ZNF253: variants seen among roughly 807,000 people sequenced by gnomAD.
The protein encoded by ZNF253 is zinc finger protein 253, also known as DNA-binding protein.
ZNF253 carries 8 observed loss-of-function variants against 11.9 expected under a neutral mutation model. That is an observed-to-expected ratio of 0.67 (90% CI 0.40 to 1.22). ZNF253 has a LOEUF of 1.22. ZNF253 is among the 50% of genes most tolerant of loss of function. The pLI is 0.01. For synonymous variants in ZNF253, 194 were observed against 194.9 expected, an observed-to-expected ratio of 1.00 and a Z score of 0.04; for missense variants, 485 against 586.9, an observed-to-expected ratio of 0.83 and a Z score of 1.79.
At chr19:19,869,373 A>AT (rs910525775) in intron 1 of ZNF253, among the ~76,000 whole-genome samples, 85 of 149,696 alleles carry the variant, frequency 5.7e-4, no homozygotes, top group South Asian at 4.2e-4. Flanking sequence ...TAAATTAAAC[A>AT]TTTTTTTTTT....
intron 1 of ZNF253, among the ~76,000 whole-genome samples, chr19:19,866,881 TC>T (rs1274725526): frequency 6.6e-6 from 1 of 152,118 alleles, no homozygotes; most frequent in Non-Finnish European, 1.5e-5. Context: ...AGGAAGGGGT[TC>T]GGGTCGCAGA....
At chr19:19,866,891 G>A (rs891897678) in intron 1 of ZNF253, among the ~76,000 whole-genome samples, 1 of 152,190 alleles carries the variant, frequency 6.6e-6, no homozygotes, top group Non-Finnish European at 1.5e-5. Flanking sequence ...TCGGGTCGCA[G>A]ATTGGAACAG....
In ZNF253 at chr19:19,885,558, G is replaced by GT. The variant is rs2063203258; in HGVS notation, c.226+5418dup. Among the ~76,000 whole-genome samples, 3 of 151,264 alleles carry GT rather than the reference G, an allele frequency of 2.0e-5. No homozygotes were observed. In the South Asian group the frequency reaches 6.3e-4, roughly 32 times the overall value. ...GGCGCCCGCCACCATGCCCGGCTAA[G>GT]TTTTTTGTATTTTTAATAGAGACGG... On this transcript the variant is annotated intron_variant, in intron 3 of 3. Coordinates refer to ENST00000589717, the MANE Select transcript of ZNF253 (RefSeq NM_021047.3).
At chr19:19,889,261 T>C (rs1357172246) in intron 3 of ZNF253, among the ~76,000 whole-genome samples, 5 of 152,114 alleles carry the variant, frequency 3.3e-5, no homozygotes, top group Non-Finnish European at 5.9e-5. Flanking sequence ...TTTTTTCTTG[T>C]TTATCCTCAT....
chr19:19,889,111 G>A (rs192422429), intron 3 of ZNF253, among the ~76,000 whole-genome samples: 3 of 151,834 alleles, frequency 2.0e-5, no homozygotes, highest in African/African-American at 7.2e-5. Context: ...TTGCTTATAG[G>A]TGTGTTTGTG....
intron 1 of ZNF253, among the ~76,000 whole-genome samples, chr19:19,875,856 A>AG (rs1241889358): frequency 6.6e-6 from 1 of 152,356 alleles, no homozygotes; most frequent in Non-Finnish European, 1.5e-5. Context: ...ACCAGCTTCC[A>AG]GGGTATTATG....
chr19:19,888,304 T>G lies in ZNF253; in HGVS notation c.227-3170T>G, dbSNP rs1164232736. ...GTCTTGGACTCCTGACCTCCAGTGA[T>G]TCACCCGCCTTGGTCTCCCAATGTG... On this transcript the variant is annotated intron_variant, in intron 3 of 3. Transcript: ENST00000589717. Among the ~76,000 whole-genome samples, 3 of 152,290 alleles carry G rather than the reference T, an allele frequency of 2.0e-5. No individual in the cohort carries two copies. In the East Asian group the frequency reaches 5.8e-4, roughly 29 times the overall value.
In ZNF253 at chr19:19,892,244, A is replaced by G. The variant is rs762913554; in HGVS notation, c.997A>G (p.Ile333Val). ...HCSNLTIHKR[I>V]HTGEKPYKCE... ...CTCTAACCTTACTATACATAAGAGA[A>G]TTCATACAGGAGAGAAACCCTACAA... Residue 333 changes from isoleucine to valine, a missense_variant, in exon 4 of 4, where the codon ATT becomes GTT. By Grantham distance (29) the Ile-to-Val change is conservative. Transcript: ENST00000589717. 10 of 1,613,604 alleles carry G rather than the reference A, an allele frequency of 6.2e-6. No individual in the cohort carries two copies. In the Admixed American group the frequency reaches 1.3e-4, roughly 22 times the overall value.
chr19:19,872,410 G>A (rs2063137271), intron 1 of ZNF253, among the ~76,000 whole-genome samples: 1 of 151,682 alleles, frequency 6.6e-6, no homozygotes, highest in African/African-American at 2.4e-5. Context: ...ATCAAACTCA[G>A]AGAGACGTTG....
chr19:19,892,918 C>A lies in ZNF253; in HGVS notation c.*171C>A. 2 of 613,024 alleles carry A rather than the reference C, an allele frequency of 3.3e-6. No homozygotes were observed. The highest frequency in any genetic ancestry group is 2.8e-6 in the Non-Finnish European group (1 of 360,432). 38.0% of individuals were successfully genotyped at this position (613,024 alleles called of 1,614,324 possible). Reference sequence around the variant, plus strand: ...AACCCTTATTACACATAATTCATACCAAACAGAAGCCCTACAAGTGTGAAG... The same window carrying A: ...AACCCTTATTACACATAATTCATACAAAACAGAAGCCCTACAAGTGTGAAG... On this transcript the variant is annotated 3_prime_UTR_variant, in exon 4 of 4. Transcript: ENST00000589717.
chr19:19,892,890 C>T lies in ZNF253; in HGVS notation c.*143C>T. The T allele has an allele frequency of 1.3e-6, 1 of 796,938 alleles. No homozygotes were observed. The allele number at this position is 796,938 out of a possible 1,614,324, so 49.4% of individuals were successfully genotyped here. A position where few individuals can be genotyped will look rare whatever the true frequency, so the allele number is the denominator to read the frequency against. The stretch of plus-strand genomic sequence containing the variant: ...TGTGACAAAGCTTTTTAAGGAAGTT[C>T]TCAACCCTTATTACACATAATTCAT... On this transcript the variant is annotated 3_prime_UTR_variant, in exon 4 of 4. Transcript: ENST00000589717.
At position 19,893,339 on chromosome 19, in the gene ZNF253, A is replaced by G. The variant is rs1415377532; in HGVS notation, c.*592A>G. ...TACAAGTTCTTAATTCTTAAGAGACATGGCGATAATTCATGCTGAAGAGGA... is the reference window on the plus strand; with the variant it reads ...TACAAGTTCTTAATTCTTAAGAGACGTGGCGATAATTCATGCTGAAGAGGA... On this transcript the variant is annotated 3_prime_UTR_variant, in exon 4 of 4. Coordinates refer to ENST00000589717, the MANE Select transcript of ZNF253 (RefSeq NM_021047.3). The G allele has an allele frequency of 1.4e-5, 2 of 145,996 alleles. No homozygotes were observed. Among genetic ancestry groups the G allele is most frequent in the Non-Finnish European group, 3.0e-5 (2 of 67,078 alleles). The allele number at this position is 145,996 out of a possible 1,614,324, so 9.0% of individuals were successfully genotyped here. A position where few individuals can be genotyped will look rare whatever the true frequency, so the allele number is the denominator to read the frequency against.
intron 1 of ZNF253, among the ~76,000 whole-genome samples, chr19:19,869,862 G>T (rs1213878191): frequency 6.6e-6 from 1 of 150,936 alleles, no homozygotes; most frequent in Non-Finnish European, 1.5e-5. Context: ...GTAGAGACAG[G>T]ATTTCACCAT....
intron 3 of ZNF253, among the ~76,000 whole-genome samples, chr19:19,881,679 A>G (rs2063178391): frequency 6.6e-6 from 1 of 151,422 alleles, no homozygotes; most frequent in African/African-American, 2.4e-5. Context: ...GTATGAAACC[A>G]TACATATACT....
At chr19:19,887,272 A>ATT (rs1476397414) in intron 3 of ZNF253, among the ~76,000 whole-genome samples, 1 of 151,218 alleles carries the variant, frequency 6.6e-6, no homozygotes, top group Non-Finnish European at 1.5e-5. Flanking sequence ...CAGGCATTCT[A>ATT]TTTTTTTATA....
chr19:19,884,950 T>A (rs1599556136), intron 3 of ZNF253, among the ~76,000 whole-genome samples: 1 of 152,320 alleles, frequency 6.6e-6, no homozygotes, highest in Non-Finnish European at 1.5e-5. Flanking sequence ...TTGAGAAAAA[T>A]TTGTCCATTT....
rs145569889 is a variant in ZNF253, at chr19:19,890,063, G to A, written c.227-1411G>A. Among the ~76,000 whole-genome samples the A allele has an allele frequency of 9.8e-3, 1,488 of 152,288 alleles. 13 individuals are homozygous for A. The highest frequency in any genetic ancestry group is 0.029 in the South Asian group (138 of 4,828). On this transcript the variant is annotated intron_variant, in intron 3 of 3. Coordinates refer to ENST00000589717, the MANE Select transcript of ZNF253 (RefSeq NM_021047.3). ...ATTTTGTATACATTGTAATCTTTGA[G>A]TGAGATTCAGGCATTAACAAAAAGC...
chr19:19,889,748 T>C (rs1446531632), intron 3 of ZNF253, among the ~76,000 whole-genome samples: 6 of 152,136 alleles, frequency 3.9e-5, no homozygotes, highest in Admixed American at 3.9e-4. Flanking sequence ...CAAGCAGTTC[T>C]CGTGTGTCAG....
chr19:19,884,357 G>A (rs554458540), intron 3 of ZNF253, among the ~76,000 whole-genome samples: 64 of 148,826 alleles, frequency 4.3e-4, no homozygotes, highest in Admixed American at 4.7e-4. Flanking sequence ...TGTTTCTTTT[G>A]TTGTTTGTTA....
Sources: allele counts gnomAD v4.1 joint callset (sites outside exome capture counted in the v4.1 genomes callset), GRCh38; gene constraint gnomAD v4.1.1; transcripts MANE v1.5; gene names NCBI Gene and HGNC (gene_info 2026-07-23, HGNC 2026-07-21).